Variants in KCNC2 observed in about 807,000 individuals in gnomAD.
KCNC2 encodes the protein potassium voltage-gated channel subfamily C member 2.
In KCNC2, 21 loss-of-function variants were observed where a neutral mutation model predicts 44.5. The ratio of observed to expected loss-of-function variants is 0.47; its 90% confidence interval spans 0.33 to 0.68. KCNC2 has a LOEUF of 0.68. Among genes scored for constraint, KCNC2 ranks in the 30% least tolerant of loss-of-function variants. The pLI, the probability that KCNC2 is intolerant of heterozygous loss-of-function variation, is 0.01. For missense variants in KCNC2, 589 were observed against 826.2 expected, an observed-to-expected ratio of 0.71 and a Z score of 3.52; for synonymous variants, 391 against 339.1, an observed-to-expected ratio of 1.15 and a Z score of -1.68.
rs140683642 is a variant in KCNC2 at position 75,041,834 on chromosome 12, G to T, written c.*1271C>A. Reference sequence around the variant, plus strand: ...ATTAATTTATACACAAAGCAGAGAGGCTGCTCCAAATAGCAAAAAATGGTA... The same window carrying T: ...ATTAATTTATACACAAAGCAGAGAGTCTGCTCCAAATAGCAAAAAATGGTA... On this transcript the variant is annotated 3_prime_UTR_variant, in exon 5 of 5. Transcript: ENST00000549446. The T allele has an allele frequency of 5.1e-6, 5 of 988,074 alleles. No individual in the cohort carries two copies. The highest frequency in any genetic ancestry group is 4.6e-5 in the South Asian group (1 of 21,542). 61.2% of individuals were successfully genotyped at this position (988,074 alleles called of 1,614,324 possible). A position where few individuals can be genotyped will look rare whatever the true frequency, so the allele number is the denominator to read the frequency against.
chr12:75,185,528 C>T (rs551495978), intron 2 of KCNC2, among the ~76,000 whole-genome samples: 1 of 151,812 alleles, frequency 6.6e-6, no homozygotes, highest in South Asian at 2.1e-4. Flanking sequence ...TCTCTTTTCC[C>T]TTATGTTATG....
intron 2 of KCNC2, among the ~76,000 whole-genome samples, chr12:75,082,031 G>T (rs2137083583): frequency 6.6e-6 from 1 of 152,032 alleles, no homozygotes; most frequent in South Asian, 2.1e-4. Context: ...TGAACAAGTT[G>T]CCTTTCTGCT....
chr12:75,207,261 T>C lies in KCNC2; in HGVS notation c.687+36A>G, dbSNP rs562967803. On this transcript the variant is annotated intron_variant, in intron 2 of 4. Transcript: ENST00000549446. This position sits in a 1 kb window ranked among gnomAD's most constrained non-coding sequence, Gnocchi z 4.1. Reference sequence around the variant, plus strand: ...AAGTTGGGGAGGGAGTTGGGAGAAGTTGAAGCAGCAGGGAAGGGGTCGATT... The same window carrying C: ...AAGTTGGGGAGGGAGTTGGGAGAAGCTGAAGCAGCAGGGAAGGGGTCGATT... The C allele has an allele frequency of 2.0e-6, 3 of 1,509,656 alleles. No homozygotes were observed. Among genetic ancestry groups the C allele is most frequent in the Non-Finnish European group, 2.6e-6 (3 of 1,132,996 alleles). The allele number at this position is 1,509,656 out of a possible 1,614,324, so 93.5% of individuals were successfully genotyped here. A position where few individuals can be genotyped will look rare whatever the true frequency, so the allele number is the denominator to read the frequency against.
At chr12:75,198,684 A>G (rs1054264004) in intron 2 of KCNC2, among the ~76,000 whole-genome samples, 4 of 151,882 alleles carry the variant, frequency 2.6e-5, no homozygotes, top group African/African-American at 9.7e-5. Context: ...CAATTATTAT[A>G]CAATATTCAC....
At chr12:75,132,778 G>A (rs1888946210) in intron 2 of KCNC2, among the ~76,000 whole-genome samples, 1 of 152,090 alleles carries the variant, frequency 6.6e-6, no homozygotes, top group African/African-American at 2.4e-5. Context: ...ACATTTGTAT[G>A]TCTTAAAATT....
At chr12:75,129,027 A>T (rs1337108857) in intron 2 of KCNC2, among the ~76,000 whole-genome samples, 2 of 152,230 alleles carry the variant, frequency 1.3e-5, no homozygotes, top group Non-Finnish European at 2.9e-5. Flanking sequence ...ATAGCCATTT[A>T]AAGCATGGTT....
In KCNC2 at chr12:75,207,671, C is replaced by A; in HGVS notation, c.313G>T (p.Asp105Tyr). The A allele has an allele frequency of 6.2e-7, 1 of 1,609,466 alleles. No individual in the cohort carries two copies. Among genetic ancestry groups the A allele is most frequent in the South Asian group, 1.1e-5 (1 of 90,606 alleles). ...TAGGCGAAGACGCCCGGGTGCCGGT[C>A]GAAGAAGAACTCGCGGCCGCCACCG... ...HPGGGREFFFDRHPGVFAYVL... is the reference protein window; with the variant it reads ...HPGGGREFFFYRHPGVFAYVL... The change falls in exon 2 of 5, where the codon GAC becomes TAC. Residue 105 changes from aspartate to tyrosine, a missense_variant. By Grantham distance (160) the Asp-to-Tyr change is radical. Transcript: ENST00000549446. This position sits in a 1 kb window ranked among gnomAD's most constrained non-coding sequence, Gnocchi z 4.1.
In KCNC2 at chr12:75,177,032, T is replaced by TTATATATATATA. The variant is rs3073537; in HGVS notation, c.687+30253_687+30264dup. ...GGTAAGTGAAGTGATGCTGCAAGTTTTATATATATATATATATATATATAT... is the reference window on the plus strand; with the variant it reads ...GGTAAGTGAAGTGATGCTGCAAGTTTTATATATATATATATATATATATATATATATATATAT... On this transcript the variant is annotated intron_variant, in intron 2 of 4. Coordinates refer to ENST00000549446, the MANE Select transcript of KCNC2 (RefSeq NM_139137.4). 1.6e-3 allele frequency among the ~76,000 whole-genome samples: 225 copies of TTATATATATATA among 139,890 alleles called. 1 individual carries two copies. The highest frequency in any genetic ancestry group is 5.7e-3 in the African/African-American group (209 of 36,882). 91.8% of individuals were successfully genotyped at this position (139,890 alleles called of 152,430 possible).
intron 2 of KCNC2, among the ~76,000 whole-genome samples, chr12:75,132,167 T>C (rs1888898401): frequency 6.6e-6 from 1 of 152,074 alleles, no homozygotes; most frequent in African/African-American, 2.4e-5. Context: ...CATAGCCTTT[T>C]GGGGGCTATC....
chr12:75,175,390 A>G (rs1892114584), intron 2 of KCNC2, among the ~76,000 whole-genome samples: 1 of 152,068 alleles, frequency 6.6e-6, no homozygotes, highest in African/African-American at 2.4e-5. Context: ...GGAGCTCAAG[A>G]AAGTAGAGAT....
At chr12:75,070,335 C>T (rs2137030920) in intron 2 of KCNC2, among the ~76,000 whole-genome samples, 1 of 150,948 alleles carries the variant, frequency 6.6e-6, no homozygotes, top group East Asian at 1.9e-4. Flanking sequence ...TCTGTAATCC[C>T]AGCTACTGGG....
chr12:75,201,872 A>G (rs932465120), intron 2 of KCNC2, among the ~76,000 whole-genome samples: 5 of 151,890 alleles, frequency 3.3e-5, no homozygotes, highest in African/African-American at 1.2e-4. Context: ...CTATTTTTCC[A>G]CTATATATTT....
chr12:75,207,396 C>A lies in KCNC2; in HGVS notation c.588G>T (p.Ala196=). ...ATTTGCCGTCGGGGCCCCCGAGCCC[C>A]GCCGCGTCCTCGATGCCCAGCCTCT... The part of the protein sequence containing the change: ...AAKRLGIEDA[A]GLGGPDGKSG... Residue 196 remains alanine (A), a synonymous_variant, in exon 2 of 5, where the codon GCG becomes GCT. Coordinates refer to ENST00000549446, the MANE Select transcript of KCNC2 (RefSeq NM_139137.4). The surrounding 1 kb of genome is among the most constrained non-coding windows in gnomAD (Gnocchi z 4.1). 1 of 1,589,046 alleles carries A rather than the reference C, an allele frequency of 6.3e-7. No homozygotes were observed. Among genetic ancestry groups the A allele is most frequent in the East Asian group, 2.3e-5 (1 of 43,588 alleles).
rs1309186134 is a variant in KCNC2 at position 75,207,880 on chromosome 12, G to T, written c.104C>A (p.Ala35Asp). 1 of 1,612,634 alleles carries T rather than the reference G, an allele frequency of 6.2e-7. No homozygotes were observed. Among genetic ancestry groups the T allele is most frequent in the Admixed American group, 1.7e-5 (1 of 60,000 alleles). Residue 35 changes from alanine (A) to aspartate (D), a missense_variant, in exon 2 of 5, where the codon GCC becomes GAC. Around this residue, in one of 7 missense-constraint regions of KCNC2, gnomAD observed 148 missense variants for 140.1 expected, o/e 1.06. Transcript: ENST00000549446. The surrounding 1 kb of genome is among the most constrained non-coding windows in gnomAD (Gnocchi z 4.1). ...TLKTLPGTRLALLASSEPPGD... is the reference protein window; with the variant it reads ...TLKTLPGTRLDLLASSEPPGD... ...TGGGGGCTCGGAGGAGGCAAGAAGG[G>T]CCAGGCGTGTTCCAGGCAGGGTCTT... is the stretch of plus-strand genomic sequence containing the variant.
intron 2 of KCNC2, among the ~76,000 whole-genome samples, chr12:75,084,584 A>T (rs192271874): frequency 4.6e-5 from 7 of 151,704 alleles, no homozygotes; most frequent in African/African-American, 1.4e-4. Context: ...AGTGCCTTTC[A>T]CCTCCTGCCA....
chr12:75,152,916 A>G (rs1422609954), intron 2 of KCNC2, among the ~76,000 whole-genome samples: 1 of 151,988 alleles, frequency 6.6e-6, no homozygotes, highest in Non-Finnish European at 1.5e-5. Flanking sequence ...CGAAAATTAG[A>G]GGCGAATTAT....
At chr12:75,191,527 A>ATTTTTTTTTTTTTTTTTTTTTTTTTTTTT (rs1555174221) in intron 2 of KCNC2, among the ~76,000 whole-genome samples, 1 of 33,314 alleles carries the variant, frequency 3.0e-5, no homozygotes, top group Non-Finnish European at 5.2e-5. Flanking sequence ...TATTATTATT[A>ATTTTTTTTTTTTTTTTTTTTTTTTTTTTT]TTTTTTTTTT....
intron 2 of KCNC2, among the ~76,000 whole-genome samples, chr12:75,179,944 G>A (rs1892466762): frequency 6.6e-6 from 1 of 151,464 alleles, no homozygotes; most frequent in Non-Finnish European, 1.5e-5. Flanking sequence ...ATCTAAAAAA[G>A]CATTTACTGA....
At chr12:75,069,129 C>CTTTTTTTTT (rs1158151551) in intron 2 of KCNC2, among the ~76,000 whole-genome samples, 4,196 of 63,410 alleles carry the variant, frequency 0.066, 1,262 homozygotes, top group Non-Finnish European at 0.076. Flanking sequence ...TTTATATAAT[C>CTTTTTTTTT]TTTTTTTTTT....
Sources: allele counts gnomAD v4.1 joint callset (sites outside exome capture counted in the v4.1 genomes callset), GRCh38; gene constraint gnomAD v4.1.1; regional missense constraint gnomAD v4.1.1; non-coding constraint Gnocchi (gnomAD v3.1); transcripts MANE v1.5; gene names NCBI Gene and HGNC (gene_info 2026-07-23, HGNC 2026-07-21).